EPHA6: variants seen among roughly 807,000 people sequenced by gnomAD.
EPHA6 encodes the protein ephrin type-A receptor 6.
EPHA6 carries 50 observed loss-of-function variants against 112.0 expected under a neutral mutation model. That is an observed-to-expected ratio of 0.45 (90% confidence interval 0.36 to 0.56). EPHA6 has a LOEUF of 0.56. EPHA6 is among the 20% of genes least tolerant of loss of function. EPHA6 has a pLI of 0.00. For missense variants in EPHA6, 1,280 were observed against 1,417.4 expected, an observed-to-expected ratio of 0.90 and a Z score of 1.56; for synonymous variants, 529 against 490.7, an observed-to-expected ratio of 1.08 and a Z score of -1.03.
At chr3:96,944,022 A>G (rs778470747) in intron 2 of EPHA6, among the ~76,000 whole-genome samples, 3 of 152,204 alleles carry the variant, frequency 2.0e-5, no homozygotes, top group Non-Finnish European at 4.4e-5. Flanking sequence ...TAATATATTT[A>G]TCCCTTTTTA....
At chr3:97,052,478 A>C (rs929727416) in intron 3 of EPHA6, among the ~76,000 whole-genome samples, 1 of 152,090 alleles carries the variant, frequency 6.6e-6, no homozygotes, top group Admixed American at 6.6e-5. Context: ...ACTATGCTAC[A>C]TTTATTTTTG....
At chr3:97,237,221 A>C (rs2078705493) in intron 4 of EPHA6, among the ~76,000 whole-genome samples, 1 of 151,224 alleles carries the variant, frequency 6.6e-6, no homozygotes, top group African/African-American at 2.4e-5. Flanking sequence ...TATATTTTAG[A>C]CTTCACTTAT....
chr3:97,457,154 A>C (rs1054073289), intron 7 of EPHA6, among the ~76,000 whole-genome samples: 101 of 152,354 alleles, frequency 6.6e-4, no homozygotes, highest in African/African-American at 2.4e-3. Context: ...CATCTGTTGC[A>C]TGGTCATGCA....
chr3:97,235,629 A>T (rs1314282842), intron 4 of EPHA6, among the ~76,000 whole-genome samples: 2 of 152,106 alleles, frequency 1.3e-5, no homozygotes, highest in African/African-American at 2.4e-5. Context: ...ATTAGAAAGT[A>T]TTATTTCTAA....
At chr3:97,427,268 C>T (rs1334390167) in intron 6 of EPHA6, among the ~76,000 whole-genome samples, 3 of 152,138 alleles carry the variant, frequency 2.0e-5, no homozygotes, top group African/African-American at 7.2e-5. Flanking sequence ...CCATTCACAA[C>T]AGCAAAGTCA....
intron 5 of EPHA6, among the ~76,000 whole-genome samples, chr3:97,258,482 T>A (rs2079391527): frequency 6.6e-6 from 1 of 152,118 alleles, no homozygotes; most frequent in Admixed American, 6.6e-5. Context: ...AACCTAAGCA[T>A]GAATGCCCTG....
intron 3 of EPHA6, among the ~76,000 whole-genome samples, chr3:97,074,753 A>G (rs1056871408): frequency 1.3e-5 from 2 of 152,090 alleles, no homozygotes; most frequent in Non-Finnish European, 2.9e-5. Flanking sequence ...AATGGAAACA[A>G]TAAAGCAGAG....
At chr3:97,572,305 C>T (rs536372269) in intron 11 of EPHA6, among the ~76,000 whole-genome samples, 57 of 152,104 alleles carry the variant, frequency 3.7e-4, no homozygotes, top group African/African-American at 1.3e-3. Context: ...CGCCCGCCAC[C>T]ACACCCAGCT....
chr3:97,215,806 A>G (rs1312668844), intron 3 of EPHA6, among the ~76,000 whole-genome samples: 1 of 152,202 alleles, frequency 6.6e-6, no homozygotes, highest in Non-Finnish European at 1.5e-5. Context: ...ATATTTCAGA[A>G]ATAAGGATAT....
chr3:97,380,101 C>T (rs569930260), intron 5 of EPHA6, among the ~76,000 whole-genome samples: 20 of 152,134 alleles, frequency 1.3e-4, no homozygotes, highest in South Asian at 1.2e-3. Flanking sequence ...GGAGTAGAGA[C>T]GAAACTGTAA....
At chr3:97,500,854 C>T (rs1230951110) in intron 10 of EPHA6, among the ~76,000 whole-genome samples, 1 of 151,922 alleles carries the variant, frequency 6.6e-6, no homozygotes, top group Non-Finnish European at 1.5e-5. Flanking sequence ...TCTGTAAAAC[C>T]TTTAAAATGG....
chr3:97,437,207 A>G (rs1025625992), intron 6 of EPHA6, among the ~76,000 whole-genome samples: 5 of 152,096 alleles, frequency 3.3e-5, no homozygotes, highest in African/African-American at 1.2e-4. Flanking sequence ...ATGATTTTAG[A>G]AAGTTACTAT....
chr3:96,894,623 C>T (rs143386140), intron 2 of EPHA6, among the ~76,000 whole-genome samples: 1 of 151,988 alleles, frequency 6.6e-6, no homozygotes, highest in African/African-American at 2.4e-5. Flanking sequence ...GGGAAGAAGA[C>T]AATCGAGTTT....
chr3:97,010,324 T>C (rs2044040011), intron 3 of EPHA6, among the ~76,000 whole-genome samples: 1 of 152,208 alleles, frequency 6.6e-6, no homozygotes, highest in African/African-American at 2.4e-5. Context: ...TGTTTTGGAA[T>C]ACAGCCAAGT....
chr3:97,457,960 A>C (rs982270067), intron 7 of EPHA6, among the ~76,000 whole-genome samples: 4 of 142,922 alleles, frequency 2.8e-5, no homozygotes, highest in Non-Finnish European at 4.5e-5. Context: ...CCCAGCTACT[A>C]GGGAGGCTGA....
chr3:97,139,695 A>G (rs1373431160), intron 3 of EPHA6, among the ~76,000 whole-genome samples: 1 of 152,152 alleles, frequency 6.6e-6, no homozygotes, highest in Non-Finnish European at 1.5e-5. Context: ...TCCCTCCCAA[A>G]CAAAAGAAAA....
At chr3:96,841,643 T>TCAC (rs2034754951) in intron 1 of EPHA6, among the ~76,000 whole-genome samples, 1 of 152,018 alleles carries the variant, frequency 6.6e-6, no homozygotes, top group Non-Finnish European at 1.5e-5. Flanking sequence ...GGTTTCTGAG[T>TCAC]CACTACCTGT....
chr3:97,369,724 G>T (rs1299718165), intron 5 of EPHA6, among the ~76,000 whole-genome samples: 1 of 151,904 alleles, frequency 6.6e-6, no homozygotes, highest in Non-Finnish European at 1.5e-5. Context: ...AATTTATCTG[G>T]CTTCTTTATA....
Position 97,736,132 on chromosome 3 carries a change from T to A in EPHA6, c.3128+14T>A, listed in dbSNP as rs745877659. ...GGACATCCTTGTGTAAGAGGCATAA[T>A]GTTGAGTTTTTTTCTTCTTGACAAT... is the stretch of plus-strand genomic sequence containing the variant. On this transcript the variant is annotated intron_variant, in intron 16 of 17. Coordinates refer to ENST00000389672, the MANE Select transcript of EPHA6 (RefSeq NM_001080448.3). The A allele has an allele frequency of 6.3e-7, 1 of 1,592,678 alleles. No individual in the cohort carries two copies. The highest frequency in any genetic ancestry group is 8.6e-7 in the Non-Finnish European group (1 of 1,166,512).
Sources: allele counts gnomAD v4.1 joint callset (sites outside exome capture counted in the v4.1 genomes callset), GRCh38; gene constraint gnomAD v4.1.1; transcripts MANE v1.5; gene names NCBI Gene and HGNC (gene_info 2026-07-23, HGNC 2026-07-21).